The following MYO5B variants were observed in gnomAD, a reference collection of about 807,000 sequenced individuals.
MYO5B encodes the protein unconventional myosin-Vb.
MYO5B carries 143 observed loss-of-function variants against 229.3 expected under a neutral mutation model. The ratio of observed to expected loss-of-function variants is 0.62; its 90% confidence interval spans 0.54 to 0.72. The LOEUF (loss-of-function observed/expected upper bound fraction) is 0.72, where lower values mean the gene tolerates loss of function less well. MYO5B is among the 30% of genes least tolerant of loss of function. The pLI, the probability that MYO5B is intolerant of heterozygous loss-of-function variation, is 0.00. For synonymous variants in MYO5B, 918 were observed against 885.2 expected, an observed-to-expected ratio of 1.04 and a Z score of -0.66; for missense variants, 2,321 against 2,331.0, an observed-to-expected ratio of 1.00 and a Z score of 0.09.
chr18:49,975,895 C>T (rs1443189956), intron 9 of MYO5B, among the ~76,000 whole-genome samples: 1 of 152,216 alleles, frequency 6.6e-6, no homozygotes, highest in Admixed American at 6.5e-5. Flanking sequence ...ACCCAAATAC[C>T]AATCACATCA....
At chr18:50,157,095 T>G (rs1285857723) in intron 1 of MYO5B, among the ~76,000 whole-genome samples, 2 of 152,022 alleles carry the variant, frequency 1.3e-5, no homozygotes, top group Non-Finnish European at 2.9e-5. Context: ...GTTTTGTTTT[T>G]TTTTTTTGGC....
rs754423337 is a variant in MYO5B, at chr18:49,937,264, T to C, written c.1886A>G (p.Lys629Arg). 2 of 1,614,170 alleles carry C rather than the reference T, an allele frequency of 1.2e-6. No homozygotes were observed. The highest frequency in any genetic ancestry group is 1.7e-6 in the Non-Finnish European group (2 of 1,180,000). ...PPMKVSNKEH[K>R]KTVGHQFRTS... ...GCTGACCTGGTGGCCAACGGTTTTC[T>C]TGTGCTCCTTGTTGGAGACTTTCAT... The change falls in exon 15 of 40, where the codon AAG (lysine) becomes AGG (arginine). Residue 629 changes from lysine (K) to arginine (R), a missense_variant. Physicochemically the swap from Lys to Arg is conservative, Grantham distance 26. This residue lies in a region of MYO5B where 2,113 missense variants were observed against 2,044.7 expected (regional missense o/e 1.03). Transcript: ENST00000285039.
chr18:49,935,268 C>CA (rs1360254440), intron 16 of MYO5B, among the ~76,000 whole-genome samples: 15 of 152,190 alleles, frequency 9.9e-5, no homozygotes, highest in African/African-American at 2.6e-4. Flanking sequence ...TCGGGGTATC[C>CA]AAAATAAATT....
chr18:49,831,023 G>A (rs1032323517), intron 39 of MYO5B, among the ~76,000 whole-genome samples: 2 of 151,742 alleles, frequency 1.3e-5, no homozygotes, highest in African/African-American at 4.8e-5. Flanking sequence ...TTTGACAAGG[G>A]TGCCAAGTCC....
intron 1 of MYO5B, among the ~76,000 whole-genome samples, chr18:50,073,655 T>C (rs765658972): frequency 6.6e-6 from 1 of 152,188 alleles, no homozygotes; most frequent in African/African-American, 2.4e-5. Context: ...TCAACCCTCA[T>C]ATCCAACTTA....
At chr18:49,985,775 C>A (rs1436258520) in intron 7 of MYO5B, among the ~76,000 whole-genome samples, 3 of 152,132 alleles carry the variant, frequency 2.0e-5, no homozygotes, top group African/African-American at 7.2e-5. Context: ...TTTCCCTGGA[C>A]CTGAGCATGC....
intron 9 of MYO5B, among the ~76,000 whole-genome samples, chr18:49,979,697 C>T (rs1006829176): frequency 1.3e-5 from 2 of 152,178 alleles, no homozygotes; most frequent in African/African-American, 2.4e-5. Flanking sequence ...TTGTACCTCC[C>T]CAGAACCTGG....
intron 4 of MYO5B, among the ~76,000 whole-genome samples, chr18:50,031,164 T>G (rs542341389): frequency 6.6e-6 from 1 of 152,244 alleles, no homozygotes; most frequent in East Asian, 1.9e-4. Context: ...GGCAAACAGA[T>G]TGGGTCTAAA....
At chr18:49,939,434 A>T (rs1415022618) in intron 14 of MYO5B, among the ~76,000 whole-genome samples, 2 of 152,194 alleles carry the variant, frequency 1.3e-5, no homozygotes, top group African/African-American at 4.8e-5. Flanking sequence ...GTGAGCCACC[A>T]TGCCCGGCCT....
intron 21 of MYO5B, among the ~76,000 whole-genome samples, chr18:49,896,388 A>T (rs1030223921): frequency 6.6e-6 from 1 of 152,214 alleles, no homozygotes; most frequent in Non-Finnish European, 1.5e-5. Context: ...CCAATCAAGC[A>T]GATTCTATTT....
At chr18:50,166,809 A>T (rs2144328203) in intron 1 of MYO5B, among the ~76,000 whole-genome samples, 1 of 152,240 alleles carries the variant, frequency 6.6e-6, no homozygotes, top group Middle Eastern at 3.4e-3. Context: ...AAGAAGGGGG[A>T]ATTACAACTA....
rs560287986 is a variant in MYO5B, at chr18:49,932,026, C to T, written c.2004-2428G>A. Among the ~76,000 whole-genome samples, 6 of 152,330 alleles carry T rather than the reference C, an allele frequency of 3.9e-5. No homozygotes were observed. The South Asian group carries it at 1.2e-3, about 32-fold the overall frequency. On this transcript the variant is annotated intron_variant, in intron 16 of 39. Transcript: ENST00000285039. Reference sequence around the variant, plus strand: ...AGGAGCATCTGGGACCCTTAGGTCCCACATGGGCTATGGGACCAGCTGGAG... The same window carrying T: ...AGGAGCATCTGGGACCCTTAGGTCCTACATGGGCTATGGGACCAGCTGGAG...
At chr18:50,062,261 T>A (rs2030705160) in intron 1 of MYO5B, among the ~76,000 whole-genome samples, 1 of 152,154 alleles carries the variant, frequency 6.6e-6, no homozygotes, top group Admixed American at 6.5e-5. Context: ...GATGTTTCAG[T>A]TGCAACAACG....
chr18:50,095,198 A>G (rs1189365706), intron 1 of MYO5B, among the ~76,000 whole-genome samples: 1 of 152,210 alleles, frequency 6.6e-6, no homozygotes, highest in Non-Finnish European at 1.5e-5. Flanking sequence ...CTTGAGTGCA[A>G]CCATTTCAGA....
intron 1 of MYO5B, among the ~76,000 whole-genome samples, chr18:50,058,056 A>T (rs1042403073): frequency 2.6e-5 from 4 of 152,230 alleles, no homozygotes; most frequent in African/African-American, 9.6e-5. Flanking sequence ...TTCACATAAC[A>T]TGAAAAAAAT....
chr18:50,163,057 T>A (rs1378277663), intron 1 of MYO5B, among the ~76,000 whole-genome samples: 2 of 152,240 alleles, frequency 1.3e-5, no homozygotes, highest in East Asian at 3.8e-4. Context: ...CAAAAATGAC[T>A]TCGTGAAGTA....
intron 7 of MYO5B, among the ~76,000 whole-genome samples, chr18:49,989,841 C>T (rs2025910036): frequency 6.6e-6 from 1 of 152,184 alleles, no homozygotes; most frequent in Non-Finnish European, 1.5e-5. Context: ...TGGGTTGCTC[C>T]ATCTCTCTCC....
intron 1 of MYO5B, among the ~76,000 whole-genome samples, chr18:50,152,227 C>A (rs2032609977): frequency 6.6e-6 from 1 of 152,122 alleles, no homozygotes; most frequent in African/African-American, 2.4e-5. Context: ...AGGTGGCAGG[C>A]AATAATTAAA....
At chr18:50,121,661 A>G (rs762805221) in intron 1 of MYO5B, among the ~76,000 whole-genome samples, 1 of 152,222 alleles carries the variant, frequency 6.6e-6, no homozygotes, top group Non-Finnish European at 1.5e-5. Flanking sequence ...TCACTTCATC[A>G]TTCAATGTAA....
Sources: allele counts gnomAD v4.1 joint callset (sites outside exome capture counted in the v4.1 genomes callset), GRCh38; gene constraint gnomAD v4.1.1; regional missense constraint gnomAD v4.1.1; transcripts MANE v1.5; gene names NCBI Gene and HGNC (gene_info 2026-07-23, HGNC 2026-07-21).